Variants in PCDHA1 observed in about 807,000 individuals in gnomAD.
PCDHA1 encodes the protein protocadherin alpha 1.
PCDHA1 carries 42 observed loss-of-function variants against 61.3 expected under a neutral mutation model. That is an observed-to-expected ratio of 0.69 (90% CI 0.54 to 0.89). The LOEUF is 0.89. PCDHA1 is among the 40% of genes least tolerant of loss of function. The pLI, the probability that PCDHA1 is intolerant of heterozygous loss-of-function variation, is 0.00. For synonymous variants in PCDHA1, 610 were observed against 553.8 expected (o/e 1.10, Z -1.43); for missense variants, 1,256 against 1,235.3 (o/e 1.02, Z -0.25).
intron 1 of PCDHA1, among the ~76,000 whole-genome samples, chr5:140,924,902 AAAAT>A (rs1239542905): frequency 0.13 from 4,984 of 38,732 alleles, 244 homozygotes; most frequent in African/African-American, 0.34. Flanking sequence ...CTCAAAAAAA[AAAAT>A]AAAATAAAAT....
chr5:140,792,816 C>A (rs1205264180), intron 1 of PCDHA1, among the ~76,000 whole-genome samples: 1 of 152,166 alleles, frequency 6.6e-6, no homozygotes, highest in East Asian at 1.9e-4. Context: ...TATGCAATTG[C>A]TTTGCAACTA....
At position 140,997,702 on chromosome 5, in the gene PCDHA1, T is replaced by A. The variant is rs548432387; in HGVS notation, c.2543-11925T>A. Reference sequence around the variant, plus strand: ...TGTGTGTGTGTGTGTGTGTGTATGTTAACAAACACCTTTCTACGTCAGTAC... The same window carrying A: ...TGTGTGTGTGTGTGTGTGTGTATGTAAACAAACACCTTTCTACGTCAGTAC... On this transcript the variant is annotated intron_variant, in intron 3 of 3. Coordinates refer to ENST00000504120, the MANE Select transcript of PCDHA1 (RefSeq NM_018900.4). 1.4e-3 allele frequency among the ~76,000 whole-genome samples: 209 copies of A among 150,856 alleles called. 1 individual carries two copies. The highest frequency in any genetic ancestry group is 4.8e-3 in the African/African-American group (199 of 41,058).
At chr5:140,836,028 G>T (rs2150251055) in intron 1 of PCDHA1, 61 of 1,613,392 alleles carry the variant, frequency 3.8e-5, no homozygotes, top group Non-Finnish European at 4.9e-5. Flanking sequence ...GGGCAGCAAC[G>T]TGACGCTGCA....
At chr5:140,842,814 G>C (rs1581016277) in intron 1 of PCDHA1, 1 of 1,593,900 alleles carries the variant, frequency 6.3e-7, no homozygotes, top group African/African-American at 1.3e-5. Context: ...GTGGAGCGGC[G>C]GGTGGGCGAG....
At chr5:140,788,796 A>G in intron 1 of PCDHA1, 112 bp downstream of exon 1, 1 of 1,436,598 alleles carries the variant, frequency 7.0e-7, no homozygotes, top group Non-Finnish European at 9.2e-7. Flanking sequence ...CTAACGTTGA[A>G]ATAAATCATA....
rs781919950 is a variant in PCDHA1, at chr5:140,786,787, C to G, written c.497C>G (p.Ala166Gly). ...GCTGATGCAGACATTGGTGCTAACG[C>G]TCTTCTAACGTACACGCTCAGCCCG... ...GAADADIGAN[A>G]LLTYTLSPSD... The change falls in exon 1 of 4, where the codon GCT (alanine) becomes GGT (glycine). Residue 166 changes from alanine to glycine, a missense_variant. Physicochemically the swap from Ala to Gly is moderately conservative, Grantham distance 60 (BLOSUM62 0). Coordinates refer to ENST00000504120, the MANE Select transcript of PCDHA1 (RefSeq NM_018900.4). The G allele has an allele frequency of 1.4e-5, 22 of 1,614,212 alleles. No individual in the cohort carries two copies. In the South Asian group the frequency reaches 2.4e-4, roughly 18 times the overall value.
chr5:140,877,684 A>T, intron 1 of PCDHA1: 1 of 1,613,768 alleles, frequency 6.2e-7, no homozygotes, highest in Non-Finnish European at 8.5e-7. Context: ...GGGCAAGCCC[A>T]CGCTGGTGTG....
chr5:140,977,564 A>G (rs2096766034), intron 1 of PCDHA1, among the ~76,000 whole-genome samples: 1 of 152,178 alleles, frequency 6.6e-6, no homozygotes, highest in African/African-American at 2.4e-5. Flanking sequence ...TTGCTAGCAG[A>G]TTGGTAGAAT....
chr5:140,966,929 G>A (rs944732818), intron 1 of PCDHA1: 2 of 1,603,460 alleles, frequency 1.2e-6, no homozygotes, highest in African/African-American at 1.3e-5. Flanking sequence ...GCAGGCACCC[G>A]GCGCGCTCGT....
intron 1 of PCDHA1, among the ~76,000 whole-genome samples, chr5:140,895,293 G>A (rs759197253): frequency 5.9e-5 from 9 of 151,430 alleles, no homozygotes; most frequent in African/African-American, 9.7e-5. Flanking sequence ...TAGGACCTTC[G>A]ATTTCCCCCC....
chr5:140,788,166 C>A lies in PCDHA1; in HGVS notation c.1876C>A (p.Leu626Met). The A allele has an allele frequency of 6.2e-7, 1 of 1,614,030 alleles. No homozygotes were observed. The highest frequency in any genetic ancestry group is 8.5e-7 in the Non-Finnish European group (1 of 1,179,918). ...CGCGCGCATCCCGTTCCGCGTGGGG[C>A]TGTACACGGGCGAGATCAGCACGAC... ...GGARIPFRVG[L>M]YTGEISTTRV... The change falls in exon 1 of 4, where the codon CTG becomes ATG. Residue 626 changes from leucine to methionine, a missense_variant. Transcript: ENST00000504120.
intron 1 of PCDHA1, among the ~76,000 whole-genome samples, chr5:140,930,807 A>G (rs2087132034): frequency 6.6e-6 from 1 of 152,206 alleles, no homozygotes; most frequent in Non-Finnish European, 1.5e-5. Flanking sequence ...AGCATATAAG[A>G]TATGCTTAGT....
At chr5:140,803,750 T>A (rs1211633329) in intron 1 of PCDHA1, 2 of 1,306,462 alleles carry the variant, frequency 1.5e-6, no homozygotes, top group East Asian at 4.8e-5. Flanking sequence ...GTAAGATTTT[T>A]GTTGCTAATT....
chr5:140,802,058 A>T, intron 1 of PCDHA1: 1 of 1,614,230 alleles, frequency 6.2e-7, no homozygotes, highest in Non-Finnish European at 8.5e-7. Flanking sequence ...ACATGTCAGC[A>T]GATATTCTGT....
At chr5:140,891,424 G>A (rs932574419) in intron 1 of PCDHA1, among the ~76,000 whole-genome samples, 1 of 146,144 alleles carries the variant, frequency 6.8e-6, no homozygotes, top group Non-Finnish European at 1.5e-5. Context: ...TTGCCCCCAA[G>A]TCCCCAACGT....
intron 1 of PCDHA1, among the ~76,000 whole-genome samples, chr5:140,885,818 G>C (rs2060726718): frequency 6.6e-6 from 1 of 151,914 alleles, no homozygotes; most frequent in African/African-American, 2.4e-5. Flanking sequence ...ATTTGTATTT[G>C]ATCTTCTTTG....
intron 1 of PCDHA1, chr5:140,823,766 T>TGCTGGTGTC (rs1767866619): frequency 6.2e-7 from 1 of 1,613,734 alleles, no homozygotes; most frequent in African/African-American, 1.3e-5. Flanking sequence ...ACAGCCACAG[T>TGCTGGTGTC]GCTGGTGTCG....
chr5:140,869,293 T>C, intron 1 of PCDHA1: 2 of 1,613,604 alleles, frequency 1.2e-6, no homozygotes, highest in African/African-American at 1.3e-5. Flanking sequence ...GCAGCGCCTG[T>C]TCCGGGTGGC....
intron 3 of PCDHA1, among the ~76,000 whole-genome samples, chr5:140,993,203 A>AT (rs200893072): frequency 0.015 from 2,264 of 152,198 alleles, 62 homozygotes; most frequent in African/African-American, 0.051. Flanking sequence ...ACTAAAGCTA[A>AT]TTTTTTTAGC....
Sources: allele counts gnomAD v4.1 joint callset (sites outside exome capture counted in the v4.1 genomes callset), GRCh38; gene constraint gnomAD v4.1.1; transcripts MANE v1.5; gene names NCBI Gene and HGNC (gene_info 2026-07-23, HGNC 2026-07-21).